ARHGAP6: variants seen among roughly 807,000 people sequenced by gnomAD.
ARHGAP6 encodes Rho GTPase activating protein 6, also known as rho GTPase-activating protein 6.
In ARHGAP6, 16 loss-of-function variants were observed where a neutral mutation model predicts 55.7. The ratio of observed to expected loss-of-function variants is 0.29; its 90% confidence interval spans 0.19 to 0.44. The LOEUF (loss-of-function observed/expected upper bound fraction) is 0.44, where lower values mean the gene tolerates loss of function less well. Among genes scored for constraint, ARHGAP6 ranks in the 20% least tolerant of loss-of-function variants. The probability of loss-of-function intolerance (pLI) is 1.00; values close to 1 mark genes in which losing one functional copy is unlikely to be tolerated. For synonymous variants in ARHGAP6, 382 were observed against 360.9 expected (o/e 1.06, Z -0.66); for missense variants, 698 against 808.9 (o/e 0.86, Z 1.66).
intron 1 of ARHGAP6, among the ~76,000 whole-genome samples, chrX:11,300,928 A>G (rs947852824): frequency 1.8e-5 from 2 of 112,123 alleles, no homozygotes; most frequent in African/African-American, 6.5e-5. Context: ...TTTAAATTAT[A>G]CTGTCTCAAA....
chrX:11,162,343 C>T lies in ARHGAP6; in HGVS notation c.1810-5717G>A, dbSNP rs974488450. 1.2e-3 allele frequency among the ~76,000 whole-genome samples: 113 copies of T among 97,306 alleles called. 3 individuals are homozygous for T. The highest frequency in any genetic ancestry group is 4.0e-3 in the African/African-American group (109 of 27,198). 84.5% of individuals were successfully genotyped at this position (97,306 alleles called of 115,157 possible). On this transcript the variant is annotated intron_variant, in intron 9 of 12. Coordinates refer to ENST00000337414, the MANE Select transcript of ARHGAP6 (RefSeq NM_013427.3). ...AGCTACTGAAACTGTGCCCCCCCCC[C>T]CATATTTACTGTGTCACATAATAAA...
chrX:11,519,439 A>G (rs2050887939), intron 1 of ARHGAP6, among the ~76,000 whole-genome samples: 1 of 107,134 alleles, frequency 9.3e-6, no homozygotes, highest in South Asian at 3.9e-4. Context: ...TCTTCTTTTG[A>G]GAAGTGTCTG....
intron 2 of ARHGAP6, among the ~76,000 whole-genome samples, chrX:11,251,310 T>C (rs1326691341): frequency 8.9e-6 from 1 of 112,057 alleles, no homozygotes; most frequent in African/African-American, 3.2e-5. Context: ...AGTGTCCATA[T>C]AACTAATGCC....
intron 12 of ARHGAP6, among the ~76,000 whole-genome samples, chrX:11,141,654 C>T (rs2045619962): frequency 8.9e-6 from 1 of 112,376 alleles, no homozygotes; most frequent in Non-Finnish European, 1.9e-5. Flanking sequence ...TGTAAAATCT[C>T]CTGCCATCCA....
intron 1 of ARHGAP6, among the ~76,000 whole-genome samples, chrX:11,379,995 C>T (rs1422471959): frequency 9.0e-6 from 1 of 111,303 alleles, no homozygotes; most frequent in Admixed American, 9.6e-5. Context: ...ACATAAAATA[C>T]CAAGTGATGA....
At chrX:11,351,759 T>A in intron 1 of ARHGAP6, 1 of 145,809 alleles carries the variant, frequency 6.9e-6, no homozygotes, top group Non-Finnish European at 1.2e-5. Flanking sequence ...TGCTGTCAGC[T>A]CTGTTATGGT....
At chrX:11,447,809 C>G (rs946080295) in intron 1 of ARHGAP6, among the ~76,000 whole-genome samples, 1 of 112,478 alleles carries the variant, frequency 8.9e-6, no homozygotes, top group Non-Finnish European at 1.9e-5. Context: ...GGGATGCTGG[C>G]TCCACAAATT....
At chrX:11,321,500 T>A (rs1290437484) in intron 1 of ARHGAP6, among the ~76,000 whole-genome samples, 1 of 112,085 alleles carries the variant, frequency 8.9e-6, no homozygotes, top group East Asian at 2.8e-4. Context: ...AATGAATGAT[T>A]GAATAAAATA....
In ARHGAP6 at chrX:11,138,832, C is replaced by T. The variant is rs1205732316; in HGVS notation, c.*31G>A. ...CCCCTGGGCTGGAGGGCGGGGGGCT[C>T]GGGGCAGGGGGGGCTCGGCTGGGTG... On this transcript the variant is annotated 3_prime_UTR_variant, in exon 13 of 13. Coordinates refer to ENST00000337414, the MANE Select transcript of ARHGAP6 (RefSeq NM_013427.3). 3.5e-6 allele frequency: 4 copies of T among 1,157,865 alleles called. No individual in the cohort carries two copies. The highest frequency in any genetic ancestry group is 2.3e-6 in the Non-Finnish European group (2 of 873,840).
chrX:11,304,786 T>A (rs1267467047), intron 1 of ARHGAP6, among the ~76,000 whole-genome samples: 1 of 74,569 alleles, frequency 1.3e-5, no homozygotes, highest in Non-Finnish European at 2.6e-5. Context: ...ACTTTTTTTT[T>A]TTTTTTTTTT....
chrX:11,268,813 G>A (rs1211566583), intron 1 of ARHGAP6, among the ~76,000 whole-genome samples: 3 of 111,362 alleles, frequency 2.7e-5, no homozygotes, highest in African/African-American at 6.5e-5. Context: ...ACTGAATGTG[G>A]CAGAAGGGGA....
chrX:11,623,718 T>A (rs1431077757), intron 1 of ARHGAP6, among the ~76,000 whole-genome samples: 3 of 104,179 alleles, frequency 2.9e-5, no homozygotes, highest in South Asian at 4.2e-4. Context: ...AAAAAAAAAT[T>A]GAAGAGGACA....
chrX:11,567,566 A>AAAAAAAAAAAATATATATATAT lies in ARHGAP6; in HGVS notation c.588+96674_588+96675insATATATATATATTTTTTTTTTT, dbSNP rs1440758737. Among the ~76,000 whole-genome samples the AAAAAAAAAAAATATATATATAT allele has an allele frequency of 4.5e-3, 380 of 84,113 alleles. 7 individuals are homozygous for AAAAAAAAAAAATATATATATAT. Among genetic ancestry groups the AAAAAAAAAAAATATATATATAT allele is most frequent in the African/African-American group, 0.012 (259 of 20,931 alleles). 73.0% of individuals were successfully genotyped at this position (84,113 alleles called of 115,157 possible). On this transcript the variant is annotated intron_variant, in intron 1 of 12. Transcript: ENST00000337414. Reference sequence around the variant, plus strand: ...GAGACTCCATCTCAAAAAAAAAAAAAATATATATATATATTTGCCTCAGAG... The same window carrying AAAAAAAAAAAATATATATATAT: ...GAGACTCCATCTCAAAAAAAAAAAAAAAAAAAAAAAATATATATATATATATATATATATATTTGCCTCAGAG...
At chrX:11,211,825 G>A (rs762389671) in intron 2 of ARHGAP6, among the ~76,000 whole-genome samples, 11 of 112,259 alleles carry the variant, frequency 9.8e-5, no homozygotes, top group South Asian at 7.3e-4. Context: ...ACAGGTGTGC[G>A]CCACCTCGCC....
rs190259638 is a variant in ARHGAP6 at position 11,303,408 on chromosome X, T to G, written c.589-48701A>C. Among the ~76,000 whole-genome samples, 332 of 112,113 alleles carry G rather than the reference T, an allele frequency of 3.0e-3. 1 individual carries two copies. Among genetic ancestry groups the G allele is most frequent in the African/African-American group, 0.01 (321 of 30,854 alleles). On this transcript the variant is annotated intron_variant, in intron 1 of 12. Transcript: ENST00000337414. Reference sequence around the variant, plus strand: ...TAATTATTGAGGAATAAGATTGGGCTGGGAGTGGTGAGGATTTGAAGAGAG... The same window carrying G: ...TAATTATTGAGGAATAAGATTGGGCGGGGAGTGGTGAGGATTTGAAGAGAG...
At chrX:11,382,862 C>T (rs1368113659) in intron 1 of ARHGAP6, among the ~76,000 whole-genome samples, 3 of 111,971 alleles carry the variant, frequency 2.7e-5, no homozygotes, top group Non-Finnish European at 3.8e-5. Context: ...TCAGAAACAA[C>T]GAGGTCAAAG....
At chrX:11,313,920 T>C (rs1022046844) in intron 1 of ARHGAP6, among the ~76,000 whole-genome samples, 2 of 111,976 alleles carry the variant, frequency 1.8e-5, no homozygotes. Flanking sequence ...TAAAAGTGAG[T>C]TCCAGGAGCT....
intron 1 of ARHGAP6, among the ~76,000 whole-genome samples, chrX:11,482,326 G>T (rs1334958906): frequency 8.9e-6 from 1 of 112,212 alleles, no homozygotes; most frequent in Non-Finnish European, 1.9e-5. Context: ...ATCACTGACA[G>T]CTGGCGTACC....
intron 1 of ARHGAP6, among the ~76,000 whole-genome samples, chrX:11,473,451 A>T (rs1489594010): frequency 8.9e-6 from 1 of 111,749 alleles, no homozygotes; most frequent in Non-Finnish European, 1.9e-5. Flanking sequence ...GAGGGCCCTA[A>T]ATTTGTAAGG....
Sources: allele counts gnomAD v4.1 joint callset (sites outside exome capture counted in the v4.1 genomes callset), GRCh38; gene constraint gnomAD v4.1.1; transcripts MANE v1.5; gene names NCBI Gene and HGNC (gene_info 2026-07-23, HGNC 2026-07-21).